The following ACSM2A variants were observed in gnomAD, a reference collection of about 807,000 sequenced individuals.
ACSM2A encodes the protein acyl-CoA synthetase medium chain family member 2A, also known as acyl-coenzyme A synthetase ACSM2A, mitochondrial.
Under a neutral mutation model 76.6 loss-of-function variants are expected in ACSM2A, and 72 were observed. The ratio of observed to expected loss-of-function variants is 0.94; its 90% CI spans 0.78 to 1.14. The LOEUF is 1.14. ACSM2A is among the 50% of genes most tolerant of loss of function. ACSM2A has a pLI of 0.00. For synonymous variants in ACSM2A, 249 were observed against 255.9 expected (o/e 0.97, Z 0.26); for missense variants, 684 against 708.5 (o/e 0.97, Z 0.39).
chr16:20,479,425 C>T lies in ACSM2A; in HGVS notation c.1281+748C>T, dbSNP rs1420506893. Among the ~76,000 whole-genome samples, 4 of 152,048 alleles carry T rather than the reference C, an allele frequency of 2.6e-5. 1 individual carries two copies. Among genetic ancestry groups the T allele is most frequent in the East Asian group, 3.9e-4 (2 of 5,192 alleles). On this transcript the variant is annotated intron_variant, in intron 10 of 13. Transcript: ENST00000573854. ...AAACTCGTTTAATCCTCCCAGCCAC[C>T]CTATAAAGTTTTTGGACTCAGTTTG...
intron 6 of ACSM2A, among the ~76,000 whole-genome samples, chr16:20,473,296 C>T (rs1201964032): frequency 2.0e-5 from 3 of 152,164 alleles, no homozygotes; most frequent in Admixed American, 1.3e-4. Context: ...CTGTGTCCTT[C>T]TCAAAAGGAC....
Position 20,469,586 on chromosome 16 carries a change from A to G in ACSM2A, c.463A>G (p.Lys155Glu), listed in dbSNP as rs2013246419. Residue 155 changes from lysine (K) to glutamate (E), a missense_variant, in exon 4 of 14, where the codon AAG (lysine) becomes GAG (glutamate). Lys to Glu is a moderately conservative substitution (Grantham distance 56, BLOSUM62 1). Around this residue, in one of 3 missense-constraint regions of ACSM2A, gnomAD observed 519 missense variants for 549.5 expected, o/e 0.94. Coordinates refer to ENST00000573854, the MANE Select transcript of ACSM2A (RefSeq NM_001308172.2). ...ILYRLQMSKA[K>E]AIVAGDEVIQ... is the part of the protein sequence containing the mutation. ...GTATAGGTTGCAGATGTCTAAGGCC[A>G]AGGCTATTGTTGCTGGGGATGAAGT... 35 of 1,613,966 alleles carry G rather than the reference A, an allele frequency of 2.2e-5. No individual in the cohort carries two copies. Among genetic ancestry groups the G allele is most frequent in the Non-Finnish European group, 2.9e-5 (34 of 1,179,844 alleles).
At chr16:20,481,210 TC>T (rs2014062918) in intron 12 of ACSM2A, 1 of 405,708 alleles carries the variant, frequency 2.5e-6, no homozygotes, top group Non-Finnish European at 4.4e-6. Flanking sequence ...GATCCAGCAA[TC>T]CCACTACTGG....
intron 1 of ACSM2A, among the ~76,000 whole-genome samples, chr16:20,458,916 A>ATATATATATATATATATAGTG (rs2012416748): frequency 3.4e-5 from 2 of 59,162 alleles, no homozygotes; most frequent in East Asian, 6.1e-3. Flanking sequence ...ATATATATAT[A>ATATATATATATATATATAGTG]TATATATATA....
intron 4 of ACSM2A, among the ~76,000 whole-genome samples, 161 bp downstream of exon 4, chr16:20,469,880 T>G (rs1025440614): frequency 1.3e-5 from 2 of 149,002 alleles, no homozygotes; most frequent in African/African-American, 5.0e-5. Flanking sequence ...GTATTTTTTT[T>G]TTTTTTTTTT....
At position 20,471,355 on chromosome 16, in the gene ACSM2A, T is replaced by C. The variant is rs111513187; in HGVS notation, c.740+139T>C. 2.3e-4 allele frequency: 346 copies of C among 1,497,164 alleles called. 2 individuals are homozygous for C. In the African/African-American group the frequency reaches 4.0e-3, roughly 17 times the overall value. The allele number at this position is 1,497,164 out of a possible 1,614,324, so 92.7% of individuals were successfully genotyped here. Reference sequence around the variant, plus strand: ...TCATCTCCTGTTGATACAGGATGTGTGGATAGAACAACTTTTCTTCCCCCT... The same window carrying C: ...TCATCTCCTGTTGATACAGGATGTGCGGATAGAACAACTTTTCTTCCCCCT... On this transcript the variant is annotated intron_variant, in intron 5 of 13. Transcript: ENST00000573854.
At chr16:20,453,019 C>G (rs1293693505) in intron 1 of ACSM2A, among the ~76,000 whole-genome samples, 1 of 152,022 alleles carries the variant, frequency 6.6e-6, no homozygotes, top group Non-Finnish European at 1.5e-5. Flanking sequence ...CTCGGGGATT[C>G]TATCTCACCG....
At chr16:20,474,618 T>C (rs1309503359) in intron 6 of ACSM2A, among the ~76,000 whole-genome samples, 1 of 152,200 alleles carries the variant, frequency 6.6e-6, no homozygotes, top group East Asian at 1.9e-4. Context: ...TATTACATTC[T>C]GCATAAAGAA....
At chr16:20,479,336 T>C (rs1156428) in intron 10 of ACSM2A, among the ~76,000 whole-genome samples, 61,248 of 152,050 alleles carry the variant, frequency 0.4, 14,289 homozygotes, top group East Asian at 0.79. Context: ...TGAATGCATA[T>C]CATGAGGCAA....
In ACSM2A at chr16:20,480,839, C is replaced by G; in HGVS notation, c.1427C>G (p.Ser476Trp). 6.2e-7 allele frequency: 1 copy of G among 1,613,866 alleles called. No homozygotes were observed. The highest frequency in any genetic ancestry group is 8.5e-7 in the Non-Finnish European group (1 of 1,179,854). ...INSSGYRIGPSEVENALMEHP... is the reference protein window; with the variant it reads ...INSSGYRIGPWEVENALMEHP... ...TTCTGCAGGTACCGGATTGGACCCT[C>G]GGAGGTAGAGAATGCACTGATGGAG... The change falls in exon 12 of 14, where the codon TCG (serine) becomes TGG (tryptophan). Residue 476 changes from serine to tryptophan, a missense_variant. Around this residue, in one of 3 missense-constraint regions of ACSM2A, gnomAD observed 159 missense variants for 132.5 expected, o/e 1.20. Transcript: ENST00000573854.
At chr16:20,471,964 T>G (rs928317957) in intron 6 of ACSM2A, among the ~76,000 whole-genome samples, 1 of 152,216 alleles carries the variant, frequency 6.6e-6, no homozygotes, top group African/African-American at 2.4e-5. Flanking sequence ...GCTCTTCCGC[T>G]GGTGTCACCT....
At chr16:20,480,450 G>A (rs930812607) in intron 10 of ACSM2A, 123 bp from the exon 11 acceptor site, 2 of 1,485,678 alleles carry the variant, frequency 1.3e-6, no homozygotes, top group African/African-American at 1.4e-5. Context: ...TGTCTGCCAT[G>A]TTCAGGTTAT....
At chr16:20,469,872 A>AT (rs35674523) in intron 4 of ACSM2A, among the ~76,000 whole-genome samples, 153 bp downstream of exon 4, 1,521 of 67,696 alleles carry the variant, frequency 0.022, 17 homozygotes, top group Middle Eastern at 0.048. Context: ...ACACAAGGGT[A>AT]TTTTTTTTTT....
At chr16:20,478,002 CTG>C (rs1567373141) in intron 9 of ACSM2A, among the ~76,000 whole-genome samples, 1 of 152,094 alleles carries the variant, frequency 6.6e-6, no homozygotes, top group African/African-American at 2.4e-5. Flanking sequence ...GTTTGTGTAT[CTG>C]TGTTATGTGT....
At chr16:20,453,867 A>G (rs926850529) in intron 1 of ACSM2A, 1 of 129,584 alleles carries the variant, frequency 7.7e-6, no homozygotes, top group Admixed American at 7.5e-5. Flanking sequence ...CAGTACCCTC[A>G]GGCTTACTAG....
chr16:20,463,761 C>T (rs902954790), intron 2 of ACSM2A, among the ~76,000 whole-genome samples: 1 of 152,146 alleles, frequency 6.6e-6, no homozygotes, highest in African/African-American at 2.4e-5. Context: ...TAAATGAAAT[C>T]ACACAGTATT....
rs2014428596 is a variant in ACSM2A, at chr16:20,487,292, A to G, written c.*614A>G. 2.0e-5 allele frequency: 3 copies of G among 152,292 alleles called. No individual in the cohort carries two copies. The highest frequency in any genetic ancestry group is 7.2e-5 in the African/African-American group (3 of 41,454). The allele number at this position is 152,292 out of a possible 1,614,324, so 9.4% of individuals were successfully genotyped here. Reference sequence around the variant, plus strand: ...CTTATAAATATTCCCACAGATAGACAAAGTCAAGCATAAAACTGGAGCTTG... The same window carrying G: ...CTTATAAATATTCCCACAGATAGACGAAGTCAAGCATAAAACTGGAGCTTG... On this transcript the variant is annotated 3_prime_UTR_variant, in exon 14 of 14. Transcript: ENST00000573854.
intron 2 of ACSM2A, among the ~76,000 whole-genome samples, chr16:20,463,122 C>T (rs1039832149): frequency 8.7e-4 from 132 of 151,242 alleles, no homozygotes; most frequent in African/African-American, 3.2e-3. Flanking sequence ...AGGCGATATA[C>T]CTAATGTTAA....
chr16:20,473,945 C>T (rs1169928423), intron 6 of ACSM2A: 3 of 400,080 alleles, frequency 7.5e-6, no homozygotes, highest in Non-Finnish European at 1.5e-5. Context: ...GCATTCCTTT[C>T]TATTGATCCC....
Sources: gnomAD v4.1 joint callset for allele counts (sites outside exome capture counted in the v4.1 genomes callset) on GRCh38, gnomAD v4.1.1 for gene constraint, gnomAD v4.1.1 regional missense constraint, MANE v1.5 for transcripts, NCBI Gene and HGNC (gene_info 2026-07-23, HGNC 2026-07-21) for gene names.